GALNT7: variants seen among roughly 807,000 people sequenced by gnomAD.
GALNT7 encodes the protein N-acetylgalactosaminyltransferase 7.
Under a neutral mutation model 82.1 loss-of-function variants are expected in GALNT7, and 60 were observed. The observed-to-expected ratio is 0.73, with a 90% CI of 0.59 to 0.91. GALNT7 has a LOEUF of 0.91. Among genes scored for constraint, GALNT7 ranks in the 40% least tolerant of loss-of-function variants. The pLI, the probability that GALNT7 is intolerant of heterozygous loss-of-function variation, is 0.00. For synonymous variants in GALNT7, 243 were observed against 275.1 expected (o/e 0.88, Z 1.15); for missense variants, 660 against 804.2 (o/e 0.82, Z 2.17).
chr4:173,249,849 A>G (rs945145831), intron 2 of GALNT7, among the ~76,000 whole-genome samples: 3 of 152,186 alleles, frequency 2.0e-5, no homozygotes, highest in Non-Finnish European at 2.9e-5. Context: ...AGGACCCTTT[A>G]GGACCCCTAA....
rs1368348621 is a variant in GALNT7 at position 173,248,071 on chromosome 4, C to T, written c.218C>T (p.Pro73Leu). The T allele has an allele frequency of 6.2e-7, 1 of 1,613,594 alleles. No individual in the cohort carries two copies. Among genetic ancestry groups the T allele is most frequent in the East Asian group, 2.2e-5 (1 of 44,872 alleles). The change falls in exon 2 of 12, where the codon CCT (proline) becomes CTT (leucine). Residue 73 changes from proline (P) to leucine (L), a missense_variant. Transcript: ENST00000265000. ...EDRFKPVVPWPHVEGVEVDLE... is the reference protein window; with the variant it reads ...EDRFKPVVPWLHVEGVEVDLE... ...AGATTCAAACCTGTGGTACCATGGC[C>T]TCATGTTGAAGGAGTAGAAGTGGAC...
chr4:173,278,428 TAAACAG>T (rs1405717981), intron 2 of GALNT7, among the ~76,000 whole-genome samples: 1 of 152,210 alleles, frequency 6.6e-6, no homozygotes, highest in Non-Finnish European at 1.5e-5. Context: ...TTCCTCCATA[TAAACAG>T]TAGATAAAGT....
chr4:173,296,380 G>A, intron 5 of GALNT7, among the ~76,000 whole-genome samples: 1 of 152,130 alleles, frequency 6.6e-6, no homozygotes, highest in South Asian at 2.1e-4. Flanking sequence ...GGCACCATCA[G>A]TTTTCTATCT....
chr4:173,256,186 ACTCACT>A (rs1735030059), intron 2 of GALNT7, among the ~76,000 whole-genome samples: 11 of 152,232 alleles, frequency 7.2e-5, no homozygotes, highest in Admixed American at 7.2e-4. Flanking sequence ...TTTAAGACTC[ACTCACT>A]GTAGTTGCCG....
At chr4:173,250,255 A>G (rs1734800007) in intron 2 of GALNT7, among the ~76,000 whole-genome samples, 2 of 152,166 alleles carry the variant, frequency 1.3e-5, no homozygotes, top group South Asian at 4.1e-4. Flanking sequence ...AGATGTTACA[A>G]TCAGAGGGTG....
intron 1 of GALNT7, among the ~76,000 whole-genome samples, chr4:173,180,073 A>G (rs1732194000): frequency 6.6e-6 from 1 of 152,196 alleles, no homozygotes; most frequent in Non-Finnish European, 1.5e-5. Flanking sequence ...AAGATATCTG[A>G]GTAATGATAT....
intron 1 of GALNT7, among the ~76,000 whole-genome samples, chr4:173,188,402 GGGCCA>G (rs1732520773): frequency 1.3e-5 from 2 of 152,162 alleles, no homozygotes; most frequent in Admixed American, 1.3e-4. Flanking sequence ...CAGGGGTTTT[GGGCCA>G]GTAAGGTTGA....
chr4:173,293,203 G>C (rs572383445), intron 3 of GALNT7, among the ~76,000 whole-genome samples: 2 of 152,046 alleles, frequency 1.3e-5, no homozygotes, highest in South Asian at 4.2e-4. Flanking sequence ...AAGGTATTTA[G>C]CATCCTAAAA....
chr4:173,180,728 A>G (rs994358763), intron 1 of GALNT7, among the ~76,000 whole-genome samples: 1 of 152,192 alleles, frequency 6.6e-6, no homozygotes, highest in Non-Finnish European at 1.5e-5. Context: ...TGTTTGTCTC[A>G]TTGGATATAG....
At chr4:173,290,802 GGTGAAA>G (rs766292019) in intron 2 of GALNT7, among the ~76,000 whole-genome samples, 66 of 152,180 alleles carry the variant, frequency 4.3e-4, no homozygotes, top group Non-Finnish European at 8.5e-4. Context: ...ACTATACATT[GGTGAAA>G]GGAGATGGAA....
At chr4:173,225,852 C>A (rs1229953174) in intron 1 of GALNT7, among the ~76,000 whole-genome samples, 2 of 152,188 alleles carry the variant, frequency 1.3e-5, no homozygotes, top group African/African-American at 4.8e-5. Flanking sequence ...GAGATGCAAC[C>A]ACAACCACTC....
Position 173,298,194 on chromosome 4 carries a change from G to T in GALNT7, c.1045G>T (p.Asp349Tyr). ...EIIPQGGGDE[D>Y]GYARGAWDWS... ...TATACCCCAAGGGGGTGGTGATGAA[G>T]ATGGGTATGCCCGAGGAGCATGGGA... Residue 349 changes from aspartate to tyrosine, a missense_variant, in exon 6 of 12, where the codon GAT becomes TAT. Asp to Tyr is a radical substitution (Grantham distance 160). Around this residue, in one of 2 missense-constraint regions of GALNT7, gnomAD observed 527 missense variants for 683.5 expected, o/e 0.77. Coordinates refer to ENST00000265000, the MANE Select transcript of GALNT7 (RefSeq NM_017423.3). 1 of 1,613,958 alleles carries T rather than the reference G, an allele frequency of 6.2e-7. No homozygotes were observed.
chr4:173,299,252 CTTAA>C (rs962378660), intron 6 of GALNT7, among the ~76,000 whole-genome samples: 17 of 152,136 alleles, frequency 1.1e-4, no homozygotes, highest in East Asian at 3.9e-4. Context: ...AGTTATAGCA[CTTAA>C]TTAATCATAG....
At chr4:173,231,182 A>T (rs1470168307) in intron 1 of GALNT7, among the ~76,000 whole-genome samples, 1 of 152,140 alleles carries the variant, frequency 6.6e-6, no homozygotes, top group African/African-American at 2.4e-5. Flanking sequence ...CTGTCAGGGG[A>T]AATCATGACC....
chr4:173,253,611 G>A (rs1004048136), intron 2 of GALNT7, among the ~76,000 whole-genome samples: 5 of 152,148 alleles, frequency 3.3e-5, no homozygotes, highest in Admixed American at 3.3e-4. Flanking sequence ...AGAGTTAGAA[G>A]CAGTAGGCCT....
intron 8 of GALNT7, 51 bp downstream of exon 8, chr4:173,304,169 A>G (rs1461247546): frequency 6.5e-7 from 1 of 1,538,140 alleles, no homozygotes; most frequent in Non-Finnish European, 8.9e-7. Flanking sequence ...TTTATGTACC[A>G]CATGCTATAG....
intron 1 of GALNT7, among the ~76,000 whole-genome samples, chr4:173,208,645 C>T (rs899802069): frequency 6.6e-6 from 1 of 152,200 alleles, no homozygotes; most frequent in African/African-American, 2.4e-5. Context: ...TGGTTCATCT[C>T]CCAGCTGGCT....
At chr4:173,301,581 T>C (rs1370319432) in intron 6 of GALNT7, among the ~76,000 whole-genome samples, 1 of 152,212 alleles carries the variant, frequency 6.6e-6, no homozygotes, top group African/African-American at 2.4e-5. Flanking sequence ...CACTGTTATT[T>C]GGCGAGCCCC....
At chr4:173,205,216 C>T (rs1382850979) in intron 1 of GALNT7, among the ~76,000 whole-genome samples, 1 of 152,060 alleles carries the variant, frequency 6.6e-6, no homozygotes, top group East Asian at 1.9e-4. Context: ...TGACCTGGTC[C>T]TGGGGTAGGT....
Sources: gnomAD v4.1 joint callset for allele counts (sites outside exome capture counted in the v4.1 genomes callset) on GRCh38, gnomAD v4.1.1 for gene constraint, gnomAD v4.1.1 regional missense constraint, MANE v1.5 for transcripts, NCBI Gene and HGNC (gene_info 2026-07-23, HGNC 2026-07-21) for gene names.